ASIC2: variants seen among roughly 807,000 people sequenced by gnomAD.
ASIC2 encodes acid sensing ion channel subunit 2.
In ASIC2, 25 loss-of-function variants were observed where a neutral mutation model predicts 57.3. The ratio of observed to expected loss-of-function variants is 0.44; its 90% confidence interval spans 0.32 to 0.61. The LOEUF (loss-of-function observed/expected upper bound fraction) is 0.61, where lower values mean the gene tolerates loss of function less well. Among genes scored for constraint, ASIC2 ranks in the 20% least tolerant of loss-of-function variants. The pLI is 0.06. For synonymous variants in ASIC2, 319 were observed against 307.5 expected (o/e 1.04, Z -0.39); for missense variants, 641 against 738.1 (o/e 0.87, Z 1.52).
intron 1 of ASIC2, among the ~76,000 whole-genome samples, chr17:33,242,101 G>A (rs1324662709): frequency 2.0e-4 from 30 of 152,042 alleles, no homozygotes; most frequent in Admixed American, 2.0e-3. Flanking sequence ...GGCAGATCAC[G>A]AGGTCGGGAG....
intron 1 of ASIC2, among the ~76,000 whole-genome samples, chr17:34,142,437 G>A (rs917341112): frequency 5.9e-5 from 9 of 152,302 alleles, no homozygotes; most frequent in Non-Finnish European, 1.0e-4. Context: ...AGAGAGAACG[G>A]TGAGAAAAAT....
chr17:33,799,386 CTTTCTTTCTTTCTTTCT>C (rs1567718874), intron 1 of ASIC2, among the ~76,000 whole-genome samples: 10 of 26,372 alleles, frequency 3.8e-4, no homozygotes, highest in African/African-American at 8.6e-4. Context: ...TCCTTTCTTT[CTTTCTTTCTTTCTTTCT>C]TTTCTTTCTT....
intron 2 of ASIC2, 145 bp from the exon 3 acceptor site, chr17:33,089,135 C>A (rs775498382): frequency 6.2e-6 from 7 of 1,133,078 alleles, no homozygotes; most frequent in Non-Finnish European, 8.4e-6. Context: ...TCCCCACCTC[C>A]AGAAACTGTG....
chr17:33,312,532 A>G (rs1178836808), intron 1 of ASIC2, among the ~76,000 whole-genome samples: 3 of 152,220 alleles, frequency 2.0e-5, no homozygotes, highest in Non-Finnish European at 2.9e-5. Flanking sequence ...GATCAAGCAC[A>G]GCAGAACTGG....
At chr17:33,150,144 G>A (rs1826117636) in intron 1 of ASIC2, among the ~76,000 whole-genome samples, 1 of 152,190 alleles carries the variant, frequency 6.6e-6, no homozygotes, top group African/African-American at 2.4e-5. Flanking sequence ...TTGCCATTTT[G>A]TTTTCCTGTA....
chr17:33,975,149 A>G (rs902684193), intron 1 of ASIC2, among the ~76,000 whole-genome samples: 22 of 152,088 alleles, frequency 1.4e-4, no homozygotes, highest in Non-Finnish European at 3.1e-4. Context: ...TTGAAAGTTG[A>G]CCTCAGTTGG....
At chr17:33,375,547 G>A (rs112067809) in intron 1 of ASIC2, among the ~76,000 whole-genome samples, 3,045 of 152,260 alleles carry the variant, frequency 0.02, 62 homozygotes, top group Non-Finnish European at 0.028. Flanking sequence ...TATGGCTTGC[G>A]TTTTAAAAGG....
chr17:33,608,847 TTTCC>T (rs1905302537), intron 1 of ASIC2, among the ~76,000 whole-genome samples: 1 of 152,192 alleles, frequency 6.6e-6, no homozygotes. Context: ...CCTAATTTTA[TTTCC>T]TTCCAAGTCT....
intron 1 of ASIC2, among the ~76,000 whole-genome samples, chr17:33,754,159 G>C (rs552311563): frequency 1.8e-4 from 28 of 152,192 alleles, no homozygotes; most frequent in Non-Finnish European, 3.1e-4. Flanking sequence ...TAGGTTGTCT[G>C]AATCTCTCCC....
At chr17:33,487,133 G>A (rs1174867394) in intron 1 of ASIC2, among the ~76,000 whole-genome samples, 1 of 152,158 alleles carries the variant, frequency 6.6e-6, no homozygotes, top group Non-Finnish European at 1.5e-5. Flanking sequence ...AGCATTCCAG[G>A]TGAAGCAGAA....
At chr17:33,883,951 C>T (rs945823199) in intron 1 of ASIC2, among the ~76,000 whole-genome samples, 1 of 152,180 alleles carries the variant, frequency 6.6e-6, no homozygotes, top group African/African-American at 2.4e-5. Flanking sequence ...CAGGTCACAT[C>T]ATTAGGAAGT....
intron 1 of ASIC2, among the ~76,000 whole-genome samples, chr17:33,278,195 A>C (rs1904783288): frequency 7.2e-6 from 1 of 139,226 alleles, no homozygotes. Flanking sequence ...AGATGCCCTT[A>C]TTCATTTTTT....
At chr17:33,575,891 T>G (rs760015210) in intron 1 of ASIC2, among the ~76,000 whole-genome samples, 6 of 152,090 alleles carry the variant, frequency 3.9e-5, no homozygotes, top group Non-Finnish European at 8.8e-5. Context: ...AGCTAATGGC[T>G]CTGCAGGCTT....
chr17:33,033,582 G>T (rs2091895290), intron 3 of ASIC2, among the ~76,000 whole-genome samples: 2 of 152,200 alleles, frequency 1.3e-5, no homozygotes, highest in African/African-American at 4.8e-5. Context: ...CAGGCTGGTG[G>T]GTGACTCCTC....
intron 1 of ASIC2, among the ~76,000 whole-genome samples, chr17:33,701,926 A>G (rs965919855): frequency 6.6e-6 from 1 of 152,230 alleles, no homozygotes; most frequent in Admixed American, 6.5e-5. Context: ...TCCGATGGAC[A>G]ATTTGTCTAA....
intron 1 of ASIC2, among the ~76,000 whole-genome samples, chr17:33,740,460 T>G (rs566479595): frequency 6.6e-6 from 1 of 152,184 alleles, no homozygotes; most frequent in Non-Finnish European, 1.5e-5. Context: ...CTTATAAAAC[T>G]GTCAGATCTC....
At chr17:33,520,261 G>A (rs1438233506) in intron 1 of ASIC2, among the ~76,000 whole-genome samples, 6 of 152,184 alleles carry the variant, frequency 3.9e-5, no homozygotes, top group Non-Finnish European at 8.8e-5. Context: ...AGGCAGAAAG[G>A]AATGAACAAG....
chr17:33,913,091 T>TC (rs139151090), intron 1 of ASIC2, among the ~76,000 whole-genome samples: 76 of 151,344 alleles, frequency 5.0e-4, no homozygotes, highest in African/African-American at 1.4e-3. Context: ...TAAATCCCCC[T>TC]CCCCCCCGCC....
intron 1 of ASIC2, among the ~76,000 whole-genome samples, chr17:33,343,407 C>G (rs1228803100): frequency 6.6e-6 from 1 of 152,222 alleles, no homozygotes; most frequent in South Asian, 2.1e-4. Flanking sequence ...TTGGACACTT[C>G]CTCGCCTCTG....
Sources: gnomAD v4.1 joint callset for allele counts (sites outside exome capture counted in the v4.1 genomes callset) on GRCh38, gnomAD v4.1.1 for gene constraint, MANE v1.5 for transcripts, NCBI Gene and HGNC (gene_info 2026-07-23, HGNC 2026-07-21) for gene names.